The following MBOAT1 variants were observed in gnomAD, a reference collection of about 807,000 sequenced individuals.
MBOAT1 encodes the protein membrane bound glycerophospholipid O-acyltransferase 1.
A neutral mutation model predicts 64.4 loss-of-function variants in MBOAT1; 67 were observed. The ratio of observed to expected loss-of-function variants is 1.04; its 90% confidence interval spans 0.85 to 1.27. The LOEUF is 1.27. Ranked by LOEUF, MBOAT1 falls within the 50% of genes most tolerant of loss-of-function variation. The pLI, the probability that MBOAT1 is intolerant of heterozygous loss-of-function variation, is 0.00. For synonymous variants in MBOAT1, 229 were observed against 218.9 expected (o/e 1.05, Z -0.41); for missense variants, 563 against 604.6 (o/e 0.93, Z 0.72).
intron 5 of MBOAT1, among the ~76,000 whole-genome samples, chr6:20,129,351 C>G (rs1036398849): frequency 2.0e-5 from 3 of 152,142 alleles, no homozygotes; most frequent in African/African-American, 7.2e-5. Context: ...GAAAAACTCC[C>G]AACCAAGTCA....
intron 1 of MBOAT1, among the ~76,000 whole-genome samples, chr6:20,207,155 T>A (rs1157459557): frequency 6.6e-6 from 1 of 152,254 alleles, no homozygotes; most frequent in Non-Finnish European, 1.5e-5. Context: ...ACTCAGCAGC[T>A]CATTCAATTG....
rs763287696 is a variant in MBOAT1 at position 20,131,141 on chromosome 6, T to C, written c.475+3A>G. On this transcript the variant is annotated splice_donor_region_variant and intron_variant, in intron 5 of 12. Transcript: ENST00000324607. ...GAACCAAAAGGAGGGCTGCTGTTCT[T>C]ACCATCATGAACCTGGAATGCCAAG... is the stretch of plus-strand genomic sequence containing the variant. The C allele has an allele frequency of 3.7e-6, 6 of 1,613,496 alleles. No homozygotes were observed. In the Admixed American group the frequency reaches 5.0e-5, roughly 13 times the overall value.
chr6:20,188,392 G>A (rs1014780708), intron 1 of MBOAT1, among the ~76,000 whole-genome samples: 10 of 152,192 alleles, frequency 6.6e-5, no homozygotes, highest in Middle Eastern at 3.4e-3. Flanking sequence ...CACATTCCAG[G>A]TAGTTCTGTT....
At chr6:20,117,341 C>T (rs551319326) in intron 9 of MBOAT1, among the ~76,000 whole-genome samples, 3 of 152,140 alleles carry the variant, frequency 2.0e-5, no homozygotes, top group South Asian at 2.1e-4. Flanking sequence ...GATGAGTTTA[C>T]GTTGAATATA....
intron 1 of MBOAT1, among the ~76,000 whole-genome samples, chr6:20,159,462 A>T (rs1220829590): frequency 1.3e-5 from 2 of 152,228 alleles, no homozygotes; most frequent in Non-Finnish European, 2.9e-5. Flanking sequence ...AAAAGCAGGA[A>T]GTTCTGTCAT....
At chr6:20,159,045 A>T (rs531597870) in intron 1 of MBOAT1, among the ~76,000 whole-genome samples, 1 of 152,326 alleles carries the variant, frequency 6.6e-6, no homozygotes, top group South Asian at 2.1e-4. Flanking sequence ...AATTTGCCAC[A>T]TGATCCAGCA....
chr6:20,197,198 T>C (rs543913753), intron 1 of MBOAT1, among the ~76,000 whole-genome samples: 2 of 152,224 alleles, frequency 1.3e-5, no homozygotes, highest in South Asian at 4.1e-4. Context: ...GGGATCCTCC[T>C]GCCTCAGCCT....
chr6:20,197,669 G>C (rs1762996027), intron 1 of MBOAT1, among the ~76,000 whole-genome samples: 1 of 152,198 alleles, frequency 6.6e-6, no homozygotes, highest in South Asian at 2.1e-4. Flanking sequence ...TTTTAGGATA[G>C]AACCAATGTA....
At chr6:20,175,581 G>A (rs1419492261) in intron 1 of MBOAT1, among the ~76,000 whole-genome samples, 1 of 151,674 alleles carries the variant, frequency 6.6e-6, no homozygotes, top group East Asian at 1.9e-4. Flanking sequence ...CGAGTAGCTG[G>A]AACTACAGGC....
At chr6:20,106,231 T>C (rs955735947) in intron 12 of MBOAT1, among the ~76,000 whole-genome samples, 2 of 152,218 alleles carry the variant, frequency 1.3e-5, no homozygotes, top group Non-Finnish European at 2.9e-5. Flanking sequence ...GAAAACACTG[T>C]TTGAGGTGTA....
At chr6:20,135,240 A>G (rs1196038623) in intron 4 of MBOAT1, among the ~76,000 whole-genome samples, 1 of 152,166 alleles carries the variant, frequency 6.6e-6, no homozygotes, top group Non-Finnish European at 1.5e-5. Context: ...CCAAAGAAAA[A>G]TCTTATGTTT....
rs772235980 is a variant in MBOAT1 at position 20,102,248 on chromosome 6, G to C, written c.*38C>G. 4 of 1,599,316 alleles carry C rather than the reference G, an allele frequency of 2.5e-6. No homozygotes were observed. Among genetic ancestry groups the C allele is most frequent in the Non-Finnish European group, 3.4e-6 (4 of 1,172,536 alleles). Reference sequence around the variant, plus strand: ...AGCCTTGTCATCTCATCTTTCGAACGTTCTGCAGTTTTGCTTGTTCCGCTT... The same window carrying C: ...AGCCTTGTCATCTCATCTTTCGAACCTTCTGCAGTTTTGCTTGTTCCGCTT... On this transcript the variant is annotated 3_prime_UTR_variant, in exon 13 of 13. Coordinates refer to ENST00000324607, the MANE Select transcript of MBOAT1 (RefSeq NM_001080480.3).
intron 3 of MBOAT1, among the ~76,000 whole-genome samples, chr6:20,149,385 G>A (rs532138966): frequency 6.6e-6 from 1 of 152,162 alleles, no homozygotes; most frequent in Non-Finnish European, 1.5e-5. Context: ...AATGTGGGAA[G>A]AGCTGACAAG....
At chr6:20,108,812 C>G (rs1164217814) in intron 12 of MBOAT1, among the ~76,000 whole-genome samples, 1 of 152,228 alleles carries the variant, frequency 6.6e-6, no homozygotes, top group Non-Finnish European at 1.5e-5. Flanking sequence ...ACACTCAGTA[C>G]TAAAGACGGT....
chr6:20,211,809 C>T (rs558325661), intron 1 of MBOAT1, among the ~76,000 whole-genome samples: 6 of 152,220 alleles, frequency 3.9e-5, no homozygotes, highest in African/African-American at 1.2e-4. Context: ...GAAAGAAACA[C>T]TGGTTTCATG....
intron 1 of MBOAT1, among the ~76,000 whole-genome samples, chr6:20,182,401 A>G (rs1179479453): frequency 2.6e-5 from 4 of 152,240 alleles, no homozygotes; most frequent in Non-Finnish European, 5.9e-5. Context: ...TTAGGTTTCA[A>G]CATATGAATT....
intron 1 of MBOAT1, among the ~76,000 whole-genome samples, chr6:20,200,685 C>T (rs1389809261): frequency 3.3e-5 from 5 of 152,130 alleles, no homozygotes; most frequent in African/African-American, 4.8e-5. Context: ...AGTAGCACTC[C>T]GGAGTGTCCA....
At chr6:20,189,993 T>C (rs1459933117) in intron 1 of MBOAT1, among the ~76,000 whole-genome samples, 1 of 152,028 alleles carries the variant, frequency 6.6e-6, no homozygotes, top group African/African-American at 2.4e-5. Context: ...TTTTTTTTAA[T>C]TTTTTCTTTT....
intron 8 of MBOAT1, among the ~76,000 whole-genome samples, chr6:20,123,150 T>A (rs184291294): frequency 0.013 from 1,994 of 151,476 alleles, 52 homozygotes; most frequent in African/African-American, 0.045. Context: ...TAATTTTTTT[T>A]AAAAAAAAAG....
Sources: gnomAD v4.1 joint callset for allele counts (sites outside exome capture counted in the v4.1 genomes callset) on GRCh38, gnomAD v4.1.1 for gene constraint, MANE v1.5 for transcripts, NCBI Gene and HGNC (gene_info 2026-07-23, HGNC 2026-07-21) for gene names.